LMBRD1: variants seen among roughly 807,000 people sequenced by gnomAD.
The protein encoded by LMBRD1 is lysosomal cobalamin transport escort protein LMBD1.
In LMBRD1, 64 loss-of-function variants were observed where a neutral mutation model predicts 74.8. The ratio of observed to expected loss-of-function variants is 0.86; its 90% CI spans 0.70 to 1.05. The LOEUF (loss-of-function observed/expected upper bound fraction) is 1.05. Ranked by LOEUF, LMBRD1 falls within the 50% of genes least tolerant of loss-of-function variation. The pLI, the probability that LMBRD1 is intolerant of heterozygous loss-of-function variation, is 0.00. For missense variants in LMBRD1, 652 were observed against 645.9 expected (o/e 1.01, Z -0.10); for synonymous variants, 204 against 216.3 (o/e 0.94, Z 0.50).
intron 2 of LMBRD1, among the ~76,000 whole-genome samples, chr6:69,787,399 T>C (rs1245743780): frequency 2.0e-5 from 3 of 152,066 alleles, no homozygotes; most frequent in African/African-American, 7.2e-5. Context: ...AAGAAAAATC[T>C]GATACATTAT....
At chr6:69,767,175 A>C (rs147305536) in intron 3 of LMBRD1, among the ~76,000 whole-genome samples, 31 of 150,684 alleles carry the variant, frequency 2.1e-4, no homozygotes, top group Non-Finnish European at 1.5e-4. Flanking sequence ...CTTTGGTTTG[A>C]ATTTTCTTTA....
rs184902305 is a variant in LMBRD1, at chr6:69,695,643, T to C, written c.1417+1920A>G. ...GTTGTTGTATTGCTTTTTGTGTTTT[T>C]TTTAAATTGTTTCTTTGTTATCTTT... is the stretch of plus-strand genomic sequence containing the variant. On this transcript the variant is annotated intron_variant, in intron 14 of 15. Coordinates refer to ENST00000649934, the MANE Select transcript of LMBRD1 (RefSeq NM_018368.4). Among the ~76,000 whole-genome samples, 40 of 152,330 alleles carry C rather than the reference T, an allele frequency of 2.6e-4. No homozygotes were observed. In the East Asian group the frequency reaches 5.0e-3, roughly 19 times the overall value.
At chr6:69,691,197 T>C (rs562882675) in intron 14 of LMBRD1, among the ~76,000 whole-genome samples, 52 of 150,948 alleles carry the variant, frequency 3.4e-4, no homozygotes, top group Admixed American at 9.2e-4. Context: ...TAATGTTTCA[T>C]TTTCTCACAC....
chr6:69,775,903 A>G (rs760875248), intron 3 of LMBRD1, among the ~76,000 whole-genome samples: 23 of 152,220 alleles, frequency 1.5e-4, no homozygotes, highest in South Asian at 4.1e-4. Context: ...TGAGACTATC[A>G]CTCCAAAGGA....
At chr6:69,710,838 G>T (rs961648997) in intron 9 of LMBRD1, among the ~76,000 whole-genome samples, 12 of 152,208 alleles carry the variant, frequency 7.9e-5, no homozygotes, top group Non-Finnish European at 1.3e-4. Flanking sequence ...GTGAAACAAT[G>T]GGCAATCTCT....
At position 69,675,017 on chromosome 6, in the gene LMBRD1, A is replaced by G. The variant is rs1338972607; in HGVS notation, c.*1141T>C. ...AAATGTAAAATAAGAACAGAAGGGA[A>G]TGAAATCCTGGTGAATAATGCTAAA... On this transcript the variant is annotated 3_prime_UTR_variant, in exon 16 of 16. Transcript: ENST00000649934. 6.6e-6 allele frequency among the ~76,000 whole-genome samples: 1 copy of G among 152,150 alleles called. No individual in the cohort carries two copies. The highest frequency in any genetic ancestry group is 1.5e-5 in the Non-Finnish European group (1 of 68,002).
chr6:69,697,763 A>C, intron 13 of LMBRD1, 122 bp from the exon 14 acceptor site: 2 of 605,910 alleles, frequency 3.3e-6, no homozygotes, highest in Admixed American at 5.8e-5. Flanking sequence ...ACATTCCAAA[A>C]TGTAAATTTT....
chr6:69,675,219 C>T lies in LMBRD1; in HGVS notation c.*939G>A, dbSNP rs1420533750. Among the ~76,000 whole-genome samples, 2 of 152,046 alleles carry T rather than the reference C, an allele frequency of 1.3e-5. No individual in the cohort carries two copies. The highest frequency in any genetic ancestry group is 2.9e-5 in the Non-Finnish European group (2 of 67,990). On this transcript the variant is annotated 3_prime_UTR_variant, in exon 16 of 16. Transcript: ENST00000649934. ...CTTAATGATATTTTACCTCAAGGAT[C>T]ATGATATATACTTTTTTATGAGTTC...
chr6:69,725,625 G>T (rs1201273197), intron 7 of LMBRD1, among the ~76,000 whole-genome samples: 1 of 152,092 alleles, frequency 6.6e-6, no homozygotes, highest in Non-Finnish European at 1.5e-5. Context: ...CCAAGAACAT[G>T]CATTGAGGAA....
At chr6:69,762,608 G>A (rs1453002733) in intron 3 of LMBRD1, among the ~76,000 whole-genome samples, 3 of 152,170 alleles carry the variant, frequency 2.0e-5, no homozygotes, top group African/African-American at 7.2e-5. Context: ...GTTACAGACT[G>A]AATGTTGGTG....
At chr6:69,775,942 T>TA (rs564659920) in intron 3 of LMBRD1, among the ~76,000 whole-genome samples, 8 of 152,212 alleles carry the variant, frequency 5.3e-5, no homozygotes, top group Non-Finnish European at 1.2e-4. Flanking sequence ...TCACCAATGA[T>TA]AAAACTGAAG....
chr6:69,706,157 C>T (rs1766252546), intron 9 of LMBRD1: 3 of 518,966 alleles, frequency 5.8e-6, no homozygotes, highest in Non-Finnish European at 1.1e-5. Flanking sequence ...ATCAAATCTT[C>T]CATCAGGTGG....
chr6:69,705,673 C>A (rs1766237749), intron 9 of LMBRD1: 2 of 887,450 alleles, frequency 2.3e-6, no homozygotes, highest in South Asian at 1.3e-5. Flanking sequence ...TCATCATCAT[C>A]ATCTTCATCA....
At chr6:69,758,005 A>G (rs1015490296) in intron 3 of LMBRD1, among the ~76,000 whole-genome samples, 3 of 152,194 alleles carry the variant, frequency 2.0e-5, no homozygotes, top group African/African-American at 7.2e-5. Flanking sequence ...ACTAGCAAAA[A>G]ACAAGTGAAT....
At chr6:69,796,010 A>G (rs1056378576) in intron 1 of LMBRD1, among the ~76,000 whole-genome samples, 3 of 152,254 alleles carry the variant, frequency 2.0e-5, no homozygotes, top group African/African-American at 7.2e-5. Flanking sequence ...TAGAGAAGTT[A>G]TGAAAGGAAA....
chr6:69,734,417 C>T (rs1186195499), intron 7 of LMBRD1, among the ~76,000 whole-genome samples: 8 of 148,140 alleles, frequency 5.4e-5, no homozygotes, highest in East Asian at 3.9e-4. Context: ...TTTTTTGAGA[C>T]GGAGTCTTGC....
At chr6:69,762,431 T>C (rs1765391373) in intron 3 of LMBRD1, among the ~76,000 whole-genome samples, 1 of 149,978 alleles carries the variant, frequency 6.7e-6, no homozygotes, top group Admixed American at 6.7e-5. Flanking sequence ...GACAACACAG[T>C]AGAGACCCTG....
At chr6:69,734,507 T>C (rs547292011) in intron 7 of LMBRD1, among the ~76,000 whole-genome samples, 28 of 152,198 alleles carry the variant, frequency 1.8e-4, no homozygotes, top group Non-Finnish European at 4.0e-4. Flanking sequence ...GCGATTCTCC[T>C]GCCTCAGTCT....
chr6:69,692,481 T>C (rs895090982), intron 14 of LMBRD1, among the ~76,000 whole-genome samples: 6 of 152,134 alleles, frequency 3.9e-5, no homozygotes, highest in African/African-American at 1.4e-4. Flanking sequence ...GTTAATGAAT[T>C]TTTATAAATG....
Sources: allele counts gnomAD v4.1 joint callset (sites outside exome capture counted in the v4.1 genomes callset), GRCh38; gene constraint gnomAD v4.1.1; transcripts MANE v1.5; gene names NCBI Gene and HGNC (gene_info 2026-07-23, HGNC 2026-07-21).